The following DNMT1 variants were observed in gnomAD, a reference collection of about 807,000 sequenced individuals.
DNMT1 encodes the protein DNA (cytosine-5)-methyltransferase 1.
A neutral mutation model predicts 205.3 loss-of-function variants in DNMT1; 24 were observed. The ratio of observed to expected loss-of-function variants is 0.12; its 90% CI spans 0.08 to 0.16. The LOEUF is 0.16. Among genes scored for constraint, DNMT1 ranks in the 10% least tolerant of loss-of-function variants. The pLI is 1.00. For missense variants in DNMT1, 1,293 were observed against 2,177.7 expected (o/e 0.59, Z 8.09); for synonymous variants, 817 against 839.8 (o/e 0.97, Z 0.47).
chr19:10,158,679 C>T (rs1045662864), intron 17 of DNMT1, among the ~76,000 whole-genome samples: 9 of 152,160 alleles, frequency 5.9e-5, no homozygotes, highest in Non-Finnish European at 7.4e-5. Flanking sequence ...AGGTACGGGC[C>T]GGACGCCAGG....
chr19:10,154,247 G>C lies in DNMT1; in HGVS notation c.2019+46C>G, dbSNP rs561083716. 88 of 1,600,624 alleles carry C rather than the reference G, an allele frequency of 5.5e-5. 1 individual carries two copies. The South Asian group carries it at 9.4e-4, about 17-fold the overall frequency. On this transcript the variant is annotated intron_variant, in intron 22 of 40. Coordinates refer to ENST00000359526, the MANE Select transcript of DNMT1 (RefSeq NM_001130823.3). The surrounding 1 kb of genome is among the most constrained non-coding windows in gnomAD (Gnocchi z 6.3). Reference sequence around the variant, plus strand: ...GGAGCAGTCCTCAGATCAGGCCAGAGGCTGGGCCACCTTAGGGGAGCGGGA... The same window carrying C: ...GGAGCAGTCCTCAGATCAGGCCAGACGCTGGGCCACCTTAGGGGAGCGGGA...
chr19:10,140,195 G>T lies in DNMT1; in HGVS notation c.3657C>A (p.Thr1219=), dbSNP rs142378165. The change falls in exon 33 of 41, where the codon ACC becomes ACA. Residue 1219 remains threonine, a synonymous_variant. Transcript: ENST00000359526. This position sits in a 1 kb window ranked among gnomAD's most constrained non-coding sequence, Gnocchi z 8.4. Reference sequence around the variant, plus strand: ...GCAGCCGCTGGCCGCGGGAGTTGGTGGTCTCCCCAGCCATGACCAGCTTCA... The same window carrying T: ...GCAGCCGCTGGCCGCGGGAGTTGGTTGTCTCCCCAGCCATGACCAGCTTCA... ...ILLKLVMAGE[T]TNSRGQRLPQ... 6.2e-7 allele frequency: 1 copy of T among 1,614,010 alleles called. No homozygotes were observed. The highest frequency in any genetic ancestry group is 2.2e-5 in the East Asian group (1 of 44,882).
At chr19:10,150,137 A>AC (rs2038307351) in intron 24 of DNMT1, among the ~76,000 whole-genome samples, 169 bp from the exon 25 acceptor site, 1 of 152,186 alleles carries the variant, frequency 6.6e-6, no homozygotes, top group South Asian at 2.1e-4. Context: ...TTCAATAATA[A>AC]GAAAAAAGAA....
At chr19:10,170,428 CAGG>C (rs2038792334) in intron 9 of DNMT1, among the ~76,000 whole-genome samples, 1 of 152,122 alleles carries the variant, frequency 6.6e-6, no homozygotes, top group African/African-American at 2.4e-5. Flanking sequence ...CACCTGGGGT[CAGG>C]AGTTCGAGAC....
At chr19:10,155,392 C>T (rs939174539) in intron 19 of DNMT1, among the ~76,000 whole-genome samples, 1 of 151,706 alleles carries the variant, frequency 6.6e-6, no homozygotes, top group Non-Finnish European at 1.5e-5. Context: ...GGCTGGAGGG[C>T]AGTGGCGTGA....
intron 10 of DNMT1, 93 bp from the exon 11 acceptor site, chr19:10,166,778 C>T (rs2038704121): frequency 7.3e-7 from 1 of 1,376,692 alleles, no homozygotes; most frequent in Non-Finnish European, 1.0e-6. Flanking sequence ...ACAAGCTCCT[C>T]CCCAGGTTCA....
At chr19:10,182,142 A>G (rs373484548) in intron 1 of DNMT1, 65 bp from the exon 2 acceptor site, 173 of 1,517,328 alleles carry the variant, frequency 1.1e-4, no homozygotes, top group Admixed American at 2.5e-4. Flanking sequence ...GCCTGTAAGA[A>G]TATCACAGTT....
intron 7 of DNMT1, 40 bp downstream of exon 7, chr19:10,175,500 A>C: frequency 6.2e-7 from 1 of 1,609,746 alleles, no homozygotes; most frequent in Non-Finnish European, 8.5e-7. Context: ...CAAATACACC[A>C]AGTTAAGGTA....
At chr19:10,160,181 C>CA (rs1410666774) in intron 14 of DNMT1, 118 bp from the exon 15 acceptor site, 19 of 1,572,434 alleles carry the variant, frequency 1.2e-5, no homozygotes, top group Admixed American at 1.8e-5. Context: ...CCGGCTGTGG[C>CA]AGTGAGGCCC....
At chr19:10,162,549 CG>C in intron 13 of DNMT1, 117 bp downstream of exon 13, 1 of 1,058,532 alleles carries the variant, frequency 9.4e-7, no homozygotes, top group Non-Finnish European at 1.4e-6. Flanking sequence ...GGATTACAGG[CG>C]TGCGCCACCA....
At chr19:10,155,713 T>C in intron 19 of DNMT1, 140 bp downstream of exon 19, 1 of 855,630 alleles carries the variant, frequency 1.2e-6, no homozygotes, top group South Asian at 1.4e-5. Flanking sequence ...CTACCCCAAC[T>C]GAACCTGCTA....
chr19:10,179,633 G>T (rs533295152), intron 5 of DNMT1, among the ~76,000 whole-genome samples: 1 of 152,266 alleles, frequency 6.6e-6, no homozygotes, highest in South Asian at 2.1e-4. Context: ...TGGACACACT[G>T]ACCTGGGGTC....
At chr19:10,135,627 C>T (rs1261042028) in intron 39 of DNMT1, 109 bp downstream of exon 39, 1 of 1,172,878 alleles carries the variant, frequency 8.5e-7, no homozygotes, top group Admixed American at 2.0e-5. Context: ...GGCTACCCGG[C>T]AGCCAGCAGG....
Position 10,140,452 on chromosome 19 carries a change from C to T in DNMT1, c.3524-124G>A. 7.2e-7 allele frequency: 1 copy of T among 1,391,946 alleles called. No individual in the cohort carries two copies. The highest frequency in any genetic ancestry group is 1.4e-5 in the African/African-American group (1 of 69,938). The allele number at this position is 1,391,946 out of a possible 1,614,324, so 86.2% of individuals were successfully genotyped here. A position where few individuals can be genotyped will look rare whatever the true frequency, so the allele number is the denominator to read the frequency against. ...TGGTGTGATCTTGGCTCACTGCAAGCTCTGCCTCCCAGGTTCAAGCGATTC... is the reference window on the plus strand; with the variant it reads ...TGGTGTGATCTTGGCTCACTGCAAGTTCTGCCTCCCAGGTTCAAGCGATTC... On this transcript the variant is annotated intron_variant, in intron 32 of 40. Coordinates refer to ENST00000359526, the MANE Select transcript of DNMT1 (RefSeq NM_001130823.3). This position sits in a 1 kb window ranked among gnomAD's most constrained non-coding sequence, Gnocchi z 8.4.
chr19:10,144,074 T>A, intron 28 of DNMT1, 87 bp from the exon 29 acceptor site: 2 of 1,337,758 alleles, frequency 1.5e-6, no homozygotes, highest in Non-Finnish European at 2.1e-6. Flanking sequence ...AATAACCATT[T>A]AAAGTCAAGC....
Position 10,140,133 on chromosome 19 carries a change from G to A in DNMT1, c.3719C>T (p.Pro1240Leu), listed in dbSNP as rs2145265286. 1.2e-6 allele frequency: 2 copies of A among 1,613,932 alleles called. No homozygotes were observed. The highest frequency in any genetic ancestry group is 1.7e-6 in the Non-Finnish European group (2 of 1,180,036). The part of the protein sequence containing the change: ...KGDVEMLCGG[P>L]PCQGFSGMNR... Reference sequence around the variant, plus strand: ...CATGCCGCTGAAGCCCTGGCAGGGCGGCCCGCCGCACAGCATCTCCACGTC... The same window carrying A: ...CATGCCGCTGAAGCCCTGGCAGGGCAGCCCGCCGCACAGCATCTCCACGTC... The change falls in exon 33 of 41, where the codon CCG becomes CTG. Residue 1240 changes from proline to leucine, a missense_variant. Transcript: ENST00000359526. The surrounding 1 kb of genome is among the most constrained non-coding windows in gnomAD (Gnocchi z 8.4).
At chr19:10,164,669 C>T (rs576833792) in intron 11 of DNMT1, among the ~76,000 whole-genome samples, 2 of 151,946 alleles carry the variant, frequency 1.3e-5, no homozygotes, top group Admixed American at 1.3e-4. Context: ...GCCTCACACA[C>T]ATAATCCCAG....
Position 10,160,075 on chromosome 19 carries a change from A to G in DNMT1, c.1044-12T>C. 1.9e-6 allele frequency: 3 copies of G among 1,613,190 alleles called. No homozygotes were observed. Among genetic ancestry groups the G allele is most frequent in the East Asian group, 2.2e-5 (1 of 44,884 alleles). On this transcript the variant is annotated splice_polypyrimidine_tract_variant and intron_variant, in intron 14 of 40. Coordinates refer to ENST00000359526, the MANE Select transcript of DNMT1 (RefSeq NM_001130823.3). The stretch of plus-strand genomic sequence containing the variant: ...TTTTTTTCTCCGTTCTGGGGGAAAA[A>G]AAAAAATCACAAGATCGTTTGTTTA...
intron 1 of DNMT1, among the ~76,000 whole-genome samples, chr19:10,183,107 G>A (rs569384594): frequency 1.5e-5 from 2 of 133,388 alleles, no homozygotes; most frequent in Non-Finnish European, 3.1e-5. Context: ...GTATATATAC[G>A]TGTGTATATA....
Sources: gnomAD v4.1 joint callset for allele counts (sites outside exome capture counted in the v4.1 genomes callset) on GRCh38, gnomAD v4.1.1 for gene constraint, Gnocchi (gnomAD v3.1) non-coding constraint, MANE v1.5 for transcripts, NCBI Gene and HGNC (gene_info 2026-07-23, HGNC 2026-07-21) for gene names.